The following CNTN5 variants were observed in gnomAD, a reference collection of about 807,000 sequenced individuals.
CNTN5 encodes contactin 5.
A neutral mutation model predicts 129.1 loss-of-function variants in CNTN5; 77 were observed. The ratio of observed to expected loss-of-function variants is 0.60; its 90% CI spans 0.50 to 0.72. CNTN5 has a LOEUF of 0.72. Among genes scored for constraint, CNTN5 ranks in the 30% least tolerant of loss-of-function variants. CNTN5 has a pLI of 0.00. For synonymous variants in CNTN5, 509 were observed against 465.6 expected, an observed-to-expected ratio of 1.09 and a Z score of -1.20; for missense variants, 1,478 against 1,328.8, an observed-to-expected ratio of 1.11 and a Z score of -1.75.
chr11:99,433,372 T>A (rs201276943), intron 2 of CNTN5, among the ~76,000 whole-genome samples: 161 of 1,540 alleles, frequency 0.1, 2 homozygotes, highest in South Asian at 0.33. Flanking sequence ...AAAAAAAAAA[T>A]GTGTGTGTGT....
intron 3 of CNTN5, among the ~76,000 whole-genome samples, chr11:99,612,977 G>T (rs1438922529): frequency 6.6e-6 from 1 of 152,128 alleles, no homozygotes; most frequent in East Asian, 1.9e-4. Flanking sequence ...CAAGTGTGGA[G>T]CCCAGGGAAT....
chr11:100,213,035 A>G (rs1159080173), intron 15 of CNTN5, among the ~76,000 whole-genome samples: 1 of 152,122 alleles, frequency 6.6e-6, no homozygotes, highest in African/African-American at 2.4e-5. Context: ...TGTATCTGTA[A>G]TATCTTACTA....
At chr11:100,145,059 A>AGAT (rs1221444583) in intron 13 of CNTN5, among the ~76,000 whole-genome samples, 2 of 129,522 alleles carry the variant, frequency 1.5e-5, no homozygotes, top group African/African-American at 5.0e-5. Context: ...TTTTTTAACT[A>AGAT]GATTCAATAG....
chr11:99,872,531 G>A (rs1422707209), intron 6 of CNTN5, among the ~76,000 whole-genome samples: 2 of 152,090 alleles, frequency 1.3e-5, no homozygotes. Flanking sequence ...AATTACAATT[G>A]AAGATACCCT....
chr11:99,041,212 T>G (rs1420533217), intron 1 of CNTN5, among the ~76,000 whole-genome samples: 1 of 152,192 alleles, frequency 6.6e-6, no homozygotes, highest in Non-Finnish European at 1.5e-5. Flanking sequence ...AACATTTATT[T>G]GTGCAAACAC....
intron 15 of CNTN5, among the ~76,000 whole-genome samples, chr11:100,222,651 G>T (rs949240187): frequency 2.0e-5 from 3 of 149,986 alleles, no homozygotes; most frequent in Non-Finnish European, 4.4e-5. Context: ...AAACAAGCAA[G>T]CAAATAAAAA....
intron 3 of CNTN5, among the ~76,000 whole-genome samples, chr11:99,680,959 T>C (rs1017166911): frequency 6.6e-6 from 1 of 151,958 alleles, no homozygotes; most frequent in Admixed American, 6.6e-5. Flanking sequence ...AATAGCAACA[T>C]TAACAAGAGT....
At chr11:100,000,518 A>G (rs1024205087) in intron 8 of CNTN5, among the ~76,000 whole-genome samples, 1 of 152,170 alleles carries the variant, frequency 6.6e-6, no homozygotes, top group South Asian at 2.1e-4. Flanking sequence ...TGGCTCTTTC[A>G]TGGGCTGCCG....
At chr11:99,516,581 G>C (rs1020172283) in intron 2 of CNTN5, among the ~76,000 whole-genome samples, 1 of 151,950 alleles carries the variant, frequency 6.6e-6, no homozygotes, top group South Asian at 2.1e-4. Flanking sequence ...CAAACTGAGA[G>C]CATCGAGTGA....
At chr11:99,375,302 CAAAAAAAAAAAAA>C (rs397848951) in intron 2 of CNTN5, among the ~76,000 whole-genome samples, 3 of 53,570 alleles carry the variant, frequency 5.6e-5, no homozygotes, top group South Asian at 2.2e-3. Context: ...GAGTCTGTCT[CAAAAAAAAAAAAA>C]AAAAAAAAAA....
chr11:99,144,118 C>T (rs1012347044), intron 1 of CNTN5, among the ~76,000 whole-genome samples: 2 of 152,010 alleles, frequency 1.3e-5, no homozygotes, highest in Admixed American at 6.6e-5. Context: ...ATTATTTTTG[C>T]AGAATTATGA....
In CNTN5 at chr11:100,237,188, CAAAAAAA is replaced by C. The variant is rs397977189; in HGVS notation, c.2005+12390_2005+12396del. On this transcript the variant is annotated intron_variant, in intron 16 of 24. Transcript: ENST00000524871. ...TGGGCGACAGAGCAAGACTCCGTCT[CAAAAAAA>C]AAAAAAAAAAAAAGAAAAGAAAGAA... Among the ~76,000 whole-genome samples, 5 of 71,108 alleles carry C rather than the reference CAAAAAAA, an allele frequency of 7.0e-5. No homozygotes were observed. In the Admixed American group the frequency reaches 8.1e-4, roughly 11 times the overall value. 46.6% of individuals were successfully genotyped at this position (71,108 alleles called of 152,430 possible).
intron 2 of CNTN5, among the ~76,000 whole-genome samples, chr11:99,452,367 C>T (rs557496983): frequency 1.9e-4 from 21 of 110,314 alleles, no homozygotes; most frequent in African/African-American, 6.7e-4. Flanking sequence ...TATCTAAACA[C>T]AGGTGTTTTT....
At position 100,037,275 on chromosome 11, in the gene CNTN5, G is replaced by T. The variant is rs1435295900; in HGVS notation, c.981-23937G>T. ...GTTTATATGCTGGATTACATTTATT[G>T]ATTTGTGTATATTGAACCAGCCTTG... On this transcript the variant is annotated intron_variant, in intron 9 of 24. Transcript: ENST00000524871. 2.0e-5 allele frequency among the ~76,000 whole-genome samples: 3 copies of T among 150,646 alleles called. No homozygotes were observed. In the East Asian group the frequency reaches 5.9e-4, roughly 30 times the overall value.
chr11:99,390,384 C>T (rs1941197018), intron 2 of CNTN5, among the ~76,000 whole-genome samples: 1 of 152,080 alleles, frequency 6.6e-6, no homozygotes, highest in African/African-American at 2.4e-5. Context: ...TCCTGAAGCA[C>T]TGGGAAAAAC....
chr11:99,331,144 A>T (rs1865983584), intron 2 of CNTN5, among the ~76,000 whole-genome samples: 1 of 152,106 alleles, frequency 6.6e-6, no homozygotes, highest in Non-Finnish European at 1.5e-5. Context: ...TAGCAAAATT[A>T]AGACAGTGTG....
intron 1 of CNTN5, among the ~76,000 whole-genome samples, chr11:99,296,202 G>A (rs1226063603): frequency 2.0e-5 from 3 of 152,020 alleles, no homozygotes; most frequent in African/African-American, 7.3e-5. Context: ...TCTTTTTCTG[G>A]GGAGAAGCTT....
chr11:99,340,484 A>G (rs1052533629), intron 2 of CNTN5, among the ~76,000 whole-genome samples: 2 of 152,212 alleles, frequency 1.3e-5, no homozygotes, highest in African/African-American at 4.8e-5. Context: ...TGAAAGAACA[A>G]GTGAAGAATG....
At chr11:99,027,526 G>T (rs74622489) in intron 1 of CNTN5, among the ~76,000 whole-genome samples, 11,700 of 151,542 alleles carry the variant, frequency 0.077, 825 homozygotes, top group East Asian at 0.23. Context: ...AATATTAAAG[G>T]AGGTTAATAG....
Sources: allele counts gnomAD v4.1 joint callset (sites outside exome capture counted in the v4.1 genomes callset), GRCh38; gene constraint gnomAD v4.1.1; transcripts MANE v1.5; gene names NCBI Gene and HGNC (gene_info 2026-07-23, HGNC 2026-07-21).